Variants in TRPC5 observed in about 807,000 individuals in gnomAD.
TRPC5 encodes the protein transient receptor potential cation channel subfamily C member 5.
Under a neutral mutation model 56.5 loss-of-function variants are expected in TRPC5, and 9 were observed. The ratio of observed to expected loss-of-function variants is 0.16; its 90% CI spans 0.10 to 0.28. The LOEUF is 0.28. Ranked by LOEUF, TRPC5 falls within the 10% of genes least tolerant of loss-of-function variation. The probability of loss-of-function intolerance (pLI) is 1.00; values close to 1 mark genes in which losing one functional copy is unlikely to be tolerated. For missense variants in TRPC5, 469 were observed against 748.9 expected, an observed-to-expected ratio of 0.63 and a Z score of 4.36; for synonymous variants, 282 against 278.5, an observed-to-expected ratio of 1.01 and a Z score of -0.13.
In TRPC5 at chrX:111,776,086, AAG is replaced by A; in HGVS notation, c.*225_*226del. The stretch of plus-strand genomic sequence containing the variant: ...GTGCAACACCCCTTCAGTCGGTTGT[AAG>A]ATGGACTTAGTGTGTATAGGTATTA... On this transcript the variant is annotated 3_prime_UTR_variant, in exon 11 of 11. Coordinates refer to ENST00000262839, the MANE Select transcript of TRPC5 (RefSeq NM_012471.3). 1 of 314,840 alleles carries A rather than the reference AAG, an allele frequency of 3.2e-6. No individual in the cohort carries two copies. The highest frequency in any genetic ancestry group is 5.5e-6 in the Non-Finnish European group (1 of 181,593). 25.9% of individuals were successfully genotyped at this position (314,840 alleles called of 1,213,427 possible).
chrX:111,820,376 C>T (rs1325175718), intron 7 of TRPC5, among the ~76,000 whole-genome samples: 4 of 112,062 alleles, frequency 3.6e-5, no homozygotes, highest in African/African-American at 1.3e-4. Flanking sequence ...GAAGCAACTA[C>T]AGTAGGAGGG....
chrX:111,870,172 G>A (rs1441231328), intron 3 of TRPC5, among the ~76,000 whole-genome samples: 1 of 111,745 alleles, frequency 8.9e-6, no homozygotes, highest in Non-Finnish European at 1.9e-5. Flanking sequence ...AGTGCTGGGA[G>A]GATGCTATAG....
intron 1 of TRPC5, among the ~76,000 whole-genome samples, chrX:112,036,213 C>A (rs932499931): frequency 1.8e-5 from 2 of 111,557 alleles, no homozygotes; most frequent in Admixed American, 1.9e-4. Flanking sequence ...AAAATTTATG[C>A]CCAGATTTTT....
rs143295728 is a variant in TRPC5 at position 111,954,687 on chromosome X, G to C, written c.-21-2246C>G. Among the ~76,000 whole-genome samples the C allele has an allele frequency of 6.9e-3, 776 of 111,812 alleles. 27 individuals carry two copies. Among genetic ancestry groups the C allele is most frequent in the Admixed American group, 0.05 (527 of 10,493 alleles). ...GAGGCTACCATGGAAGAAAAGGCTAGATGTCCTTTCAGATGGTGTCACTGG... is the reference window on the plus strand; with the variant it reads ...GAGGCTACCATGGAAGAAAAGGCTACATGTCCTTTCAGATGGTGTCACTGG... On this transcript the variant is annotated intron_variant, in intron 1 of 10. Transcript: ENST00000262839.
intron 7 of TRPC5, among the ~76,000 whole-genome samples, chrX:111,802,677 C>T (rs974223218): frequency 2.7e-5 from 3 of 110,846 alleles, no homozygotes; most frequent in Non-Finnish European, 5.7e-5. Flanking sequence ...CTTCTTTTAA[C>T]GACCTCCTCT....
At chrX:111,951,959 A>T (rs1180941909) in intron 2 of TRPC5, 84 bp downstream of exon 2, 2 of 1,131,083 alleles carry the variant, frequency 1.8e-6, no homozygotes, top group Non-Finnish European at 2.3e-6. Flanking sequence ...ATTCCAGACC[A>T]CCTAACCTTC....
At chrX:111,960,419 C>T (rs1927346373) in intron 1 of TRPC5, among the ~76,000 whole-genome samples, 1 of 112,252 alleles carries the variant, frequency 8.9e-6, no homozygotes, top group Non-Finnish European at 1.9e-5. Context: ...TTTATTTTCA[C>T]TGAGGTGAAG....
At chrX:111,837,381 C>T (rs1441355223) in intron 6 of TRPC5, among the ~76,000 whole-genome samples, 3 of 111,496 alleles carry the variant, frequency 2.7e-5, no homozygotes, top group Non-Finnish European at 5.7e-5. Flanking sequence ...AGGCAGGAGG[C>T]CAGCAGTAAA....
At chrX:112,050,079 G>A (rs1434943484) in intron 1 of TRPC5, among the ~76,000 whole-genome samples, 2 of 112,115 alleles carry the variant, frequency 1.8e-5, no homozygotes, top group African/African-American at 6.5e-5. Context: ...AGGAGGCTGA[G>A]GCAGAAGAAT....
chrX:111,909,360 T>TA lies in TRPC5; in HGVS notation c.900+2930dup, dbSNP rs1569527966. 1.6e-3 allele frequency among the ~76,000 whole-genome samples: 168 copies of TA among 105,904 alleles called. 1 individual carries two copies. Among genetic ancestry groups the TA allele is most frequent in the African/African-American group, 5.7e-3 (161 of 28,129 alleles). The allele number at this position is 105,904 out of a possible 115,157, so 92.0% of individuals were successfully genotyped here. On this transcript the variant is annotated intron_variant, in intron 3 of 10. Coordinates refer to ENST00000262839, the MANE Select transcript of TRPC5 (RefSeq NM_012471.3). ...TAAATAAATAAATAAATAAATAAATTAATTAATTAATTTTTTAAGTGTGTC... is the reference window on the plus strand; with the variant it reads ...TAAATAAATAAATAAATAAATAAATTAAATTAATTAATTTTTTAAGTGTGTC...
intron 1 of TRPC5, among the ~76,000 whole-genome samples, chrX:112,062,097 T>C (rs766495438): frequency 1.6e-3 from 175 of 112,027 alleles, no homozygotes; most frequent in African/African-American, 5.5e-3. Flanking sequence ...TTGTATTGGC[T>C]CCAAGAGAGC....
chrX:111,966,633 G>C (rs1603121823), intron 1 of TRPC5, among the ~76,000 whole-genome samples: 1 of 111,829 alleles, frequency 8.9e-6, no homozygotes, highest in South Asian at 3.7e-4. Context: ...TATCCACCAT[G>C]ATCAAGTGGG....
chrX:111,829,902 G>C (rs966586732), intron 7 of TRPC5, among the ~76,000 whole-genome samples: 15 of 113,071 alleles, frequency 1.3e-4, no homozygotes, highest in African/African-American at 4.8e-4. Context: ...CTGCCTAGTA[G>C]AGCCATGAGA....
chrX:111,776,477 G>C lies in TRPC5; in HGVS notation c.2758C>G (p.Leu920Val), dbSNP rs753067743. ...CAGTGAAGAGAGCTGGAACAGGCTA[G>C]AGGGCATTCACTGCTCTGAGCAGCG... ...QGAAQSSECP[L>V]ACSSSLHCAS... is the part of the protein sequence containing the mutation. Residue 920 changes from leucine to valine, a missense_variant, in exon 11 of 11, where the codon CTA (leucine) becomes GTA (valine). This residue lies in a region of TRPC5 where 194 missense variants were observed against 221.8 expected (regional missense o/e 0.87). Transcript: ENST00000262839. 8.3e-7 allele frequency: 1 copy of C among 1,211,318 alleles called. No individual in the cohort carries two copies. Among genetic ancestry groups the C allele is most frequent in the Non-Finnish European group, 1.1e-6 (1 of 895,352 alleles).
chrX:111,787,900 C>T (rs1945982042), intron 7 of TRPC5, among the ~76,000 whole-genome samples: 1 of 111,513 alleles, frequency 9.0e-6, no homozygotes, highest in African/African-American at 3.3e-5. Flanking sequence ...ATAACAGGCT[C>T]TGAATTTGAG....
chrX:111,820,448 TAAG>T (rs757859628), intron 7 of TRPC5, among the ~76,000 whole-genome samples: 1 of 112,252 alleles, frequency 8.9e-6, no homozygotes, highest in South Asian at 3.7e-4. Flanking sequence ...GCCCATGAGC[TAAG>T]AATGATTTTT....
chrX:111,861,151 T>C (rs1021707542), intron 3 of TRPC5, among the ~76,000 whole-genome samples: 4 of 112,296 alleles, frequency 3.6e-5, no homozygotes, highest in Admixed American at 9.4e-5. Flanking sequence ...TTAATTTTAA[T>C]GAAACCTTAT....
chrX:111,855,372 C>T (rs1299239993), intron 3 of TRPC5, among the ~76,000 whole-genome samples: 1 of 111,637 alleles, frequency 9.0e-6, no homozygotes, highest in African/African-American at 3.3e-5. Flanking sequence ...GTGTGCTCCT[C>T]CATGTTCTTT....
chrX:111,948,513 C>T (rs764389843), intron 2 of TRPC5, among the ~76,000 whole-genome samples: 2 of 110,845 alleles, frequency 1.8e-5, no homozygotes, highest in Non-Finnish European at 3.8e-5. Context: ...GGGCGGATTG[C>T]CTGAGCTCAG....
Sources: allele counts gnomAD v4.1 joint callset (sites outside exome capture counted in the v4.1 genomes callset), GRCh38; gene constraint gnomAD v4.1.1; regional missense constraint gnomAD v4.1.1; transcripts MANE v1.5; gene names NCBI Gene and HGNC (gene_info 2026-07-23, HGNC 2026-07-21).